The following B3GALT1 variants were observed in gnomAD, a reference collection of about 807,000 sequenced individuals.
B3GALT1 encodes the protein UDP-Gal:betaGlcNAc beta 1,3-galactosyltransferase, polypeptide 1.
A neutral mutation model predicts 23.2 loss-of-function variants in B3GALT1; 10 were observed. The ratio of observed to expected loss-of-function variants is 0.43; its 90% CI spans 0.27 to 0.73. B3GALT1 has a LOEUF of 0.73. Among genes scored for constraint, B3GALT1 ranks in the 30% least tolerant of loss-of-function variants. The probability of loss-of-function intolerance (pLI) is 0.21; values close to 1 mark genes in which losing one functional copy is unlikely to be tolerated. For synonymous variants in B3GALT1, 156 were observed against 141.5 expected, an observed-to-expected ratio of 1.10 and a Z score of -0.73; for missense variants, 299 against 405.4, an observed-to-expected ratio of 0.74 and a Z score of 2.25.
intron 1 of B3GALT1, among the ~76,000 whole-genome samples, chr2:167,480,845 A>T (rs1699555452): frequency 6.6e-6 from 1 of 152,176 alleles, no homozygotes; most frequent in Non-Finnish European, 1.5e-5. Context: ...ACCCCAGAGC[A>T]GGTTCAGGGA....
intron 2 of B3GALT1, among the ~76,000 whole-genome samples, chr2:167,616,036 G>C (rs1022632089): frequency 6.6e-6 from 1 of 151,482 alleles, no homozygotes; most frequent in African/African-American, 2.4e-5. Flanking sequence ...CTCAAGATAA[G>C]CGTTCAGTAG....
chr2:167,843,898 A>T (rs1007825848), intron 4 of B3GALT1, among the ~76,000 whole-genome samples: 1 of 152,212 alleles, frequency 6.6e-6, no homozygotes, highest in Non-Finnish European at 1.5e-5. Flanking sequence ...TTGTTCTCTG[A>T]CACCAAAACT....
chr2:167,654,047 G>T (rs1339991119), intron 3 of B3GALT1, among the ~76,000 whole-genome samples: 1 of 152,158 alleles, frequency 6.6e-6, no homozygotes, highest in Non-Finnish European at 1.5e-5. Flanking sequence ...CTGAAGGGCA[G>T]TACAGTGGTG....
intron 1 of B3GALT1, among the ~76,000 whole-genome samples, chr2:167,456,870 T>G (rs1699180794): frequency 1.3e-5 from 2 of 152,156 alleles, no homozygotes; most frequent in Admixed American, 6.5e-5. Flanking sequence ...GGTTAGGATT[T>G]TTTATGGATG....
intron 1 of B3GALT1, among the ~76,000 whole-genome samples, chr2:167,393,164 G>T (rs1197815718): frequency 6.6e-6 from 1 of 151,876 alleles, no homozygotes; most frequent in Admixed American, 6.6e-5. Flanking sequence ...AACCCGGGAG[G>T]CGGAGCTTGC....
At chr2:167,308,105 T>C (rs1458913403) in intron 1 of B3GALT1, among the ~76,000 whole-genome samples, 1 of 152,052 alleles carries the variant, frequency 6.6e-6, no homozygotes, top group African/African-American at 2.4e-5. Flanking sequence ...TTGTTAATCT[T>C]TTTATAGGCA....
intron 2 of B3GALT1, among the ~76,000 whole-genome samples, chr2:167,612,307 C>A (rs1373445273): frequency 6.6e-6 from 1 of 151,366 alleles, no homozygotes; most frequent in African/African-American, 2.4e-5. Context: ...AGACATTAAC[C>A]TTTTTAAATC....
chr2:167,581,464 C>T (rs1011097699), intron 2 of B3GALT1, among the ~76,000 whole-genome samples: 2 of 152,174 alleles, frequency 1.3e-5, no homozygotes, highest in African/African-American at 4.8e-5. Context: ...TTTTAATCCA[C>T]TGTAAAATGA....
At position 167,349,869 on chromosome 2, in the gene B3GALT1, G is replaced by A. The variant is rs114704781; in HGVS notation, c.-511+56535G>A. ...TCTCCCTATAGGAATTTTTAATGGC[G>A]CATACTTACATCAATAGCAATTTGT... is the stretch of plus-strand genomic sequence containing the variant. On this transcript the variant is annotated intron_variant, in intron 1 of 4. Transcript: ENST00000392690. Among the ~76,000 whole-genome samples, 1,032 of 152,040 alleles carry A rather than the reference G, an allele frequency of 6.8e-3. 14 individuals are homozygous for A. The highest frequency in any genetic ancestry group is 0.023 in the African/African-American group (959 of 41,452).
intron 1 of B3GALT1, among the ~76,000 whole-genome samples, chr2:167,340,601 A>C (rs1284230991): frequency 2.0e-5 from 3 of 152,164 alleles, no homozygotes; most frequent in African/African-American, 7.2e-5. Flanking sequence ...GGAGAGATAG[A>C]CTTAGTCTTC....
intron 3 of B3GALT1, among the ~76,000 whole-genome samples, chr2:167,702,752 G>A (rs531185380): frequency 6.6e-6 from 1 of 152,184 alleles, no homozygotes; most frequent in South Asian, 2.1e-4. Flanking sequence ...CTCTAATTCA[G>A]GCTTTTAAAG....
chr2:167,616,944 T>G (rs1471921690), intron 2 of B3GALT1, among the ~76,000 whole-genome samples: 1 of 152,126 alleles, frequency 6.6e-6, no homozygotes, highest in African/African-American at 2.4e-5. Flanking sequence ...CAGACAATCA[T>G]GTCAGTTAGC....
At chr2:167,715,493 T>G in intron 3 of B3GALT1, 1 of 1,609,874 alleles carries the variant, frequency 6.2e-7, no homozygotes, top group Non-Finnish European at 8.5e-7. Context: ...GCAGATGATT[T>G]TGGCTTCAGC....
At chr2:167,331,793 T>C (rs538278809) in intron 1 of B3GALT1, among the ~76,000 whole-genome samples, 3 of 151,736 alleles carry the variant, frequency 2.0e-5, no homozygotes, top group African/African-American at 7.3e-5. Context: ...CAGTTGGAGG[T>C]AGCAGCAGCT....
chr2:167,693,485 G>T (rs1165773069), intron 3 of B3GALT1, among the ~76,000 whole-genome samples: 1 of 152,118 alleles, frequency 6.6e-6, no homozygotes, highest in Non-Finnish European at 1.5e-5. Flanking sequence ...AACCTCATGA[G>T]AGTGGCAAAC....
intron 2 of B3GALT1, among the ~76,000 whole-genome samples, chr2:167,575,905 A>G (rs1329222769): frequency 6.6e-6 from 1 of 151,808 alleles, no homozygotes; most frequent in Non-Finnish European, 1.5e-5. Context: ...CAGGGTACAC[A>G]TGAAATAGAG....
intron 2 of B3GALT1, among the ~76,000 whole-genome samples, chr2:167,598,531 AG>A (rs1276575737): frequency 2.0e-5 from 3 of 152,148 alleles, no homozygotes; most frequent in African/African-American, 4.8e-5. Flanking sequence ...AAATTATCCC[AG>A]AAAAACCTCA....
At chr2:167,380,589 C>G (rs1697834971) in intron 1 of B3GALT1, among the ~76,000 whole-genome samples, 1 of 152,148 alleles carries the variant, frequency 6.6e-6, no homozygotes, top group Admixed American at 6.5e-5. Flanking sequence ...GAATGGCTGA[C>G]TTTGTATGCA....
intron 3 of B3GALT1, chr2:167,713,990 G>A: frequency 1.3e-6 from 2 of 1,552,780 alleles, no homozygotes; most frequent in Non-Finnish European, 1.8e-6. Flanking sequence ...AAGAGGTGGA[G>A]GAATAAAGCC....
Sources: allele counts gnomAD v4.1 joint callset (sites outside exome capture counted in the v4.1 genomes callset), GRCh38; gene constraint gnomAD v4.1.1; transcripts MANE v1.5; gene names NCBI Gene and HGNC (gene_info 2026-07-23, HGNC 2026-07-21).